Variants in THADA observed in about 807,000 individuals in gnomAD.
THADA encodes the protein THADA armadillo repeat containing.
Under a neutral mutation model 219.8 loss-of-function variants are expected in THADA, and 213 were observed. The ratio of observed to expected loss-of-function variants is 0.97; its 90% CI spans 0.87 to 1.09. THADA has a LOEUF of 1.09. Among genes scored for constraint, THADA ranks in the 50% least tolerant of loss-of-function variants. The probability of loss-of-function intolerance (pLI) is 0.00; values close to 1 mark genes in which losing one functional copy is unlikely to be tolerated. For missense variants in THADA, 2,956 were observed against 2,311.3 expected, an observed-to-expected ratio of 1.28 and a Z score of -5.72; for synonymous variants, 1,018 against 828.9, an observed-to-expected ratio of 1.23 and a Z score of -3.92.
At chr2:43,509,106 G>T (rs1319383876) in intron 22 of THADA, among the ~76,000 whole-genome samples, 1 of 152,104 alleles carries the variant, frequency 6.6e-6, no homozygotes, top group Non-Finnish European at 1.5e-5. Flanking sequence ...TACAACTCAA[G>T]ATTTCCAACA....
chr2:43,345,802 C>T (rs928711978), intron 29 of THADA, among the ~76,000 whole-genome samples: 2 of 152,146 alleles, frequency 1.3e-5, no homozygotes, highest in African/African-American at 4.8e-5. Flanking sequence ...TGCATGACTT[C>T]GGAATTTACT....
intron 28 of THADA, among the ~76,000 whole-genome samples, chr2:43,425,278 G>A (rs1678266507): frequency 6.6e-6 from 1 of 152,090 alleles, no homozygotes; most frequent in South Asian, 2.1e-4. Flanking sequence ...ATACTTGGCA[G>A]AAAGACGGGG....
In THADA at chr2:43,283,813, G is replaced by T. The variant is rs1468758598; in HGVS notation, c.5164+3095C>A. ...GAAAGTGAAGCAGAGCATGGAGCCT[G>T]GCCATGTGGTACAAAAGAAAAACCC... On this transcript the variant is annotated intron_variant, in intron 35 of 37. Coordinates refer to ENST00000405975, the MANE Select transcript of THADA (RefSeq NM_022065.5). Among the ~76,000 whole-genome samples, 2 of 152,226 alleles carry T rather than the reference G, an allele frequency of 1.3e-5. 1 individual carries two copies. Among genetic ancestry groups the T allele is most frequent in the East Asian group, 3.8e-4 (2 of 5,202 alleles).
chr2:43,285,226 G>A (rs1253017558), intron 35 of THADA, among the ~76,000 whole-genome samples: 2 of 152,146 alleles, frequency 1.3e-5, no homozygotes, highest in Non-Finnish European at 2.9e-5. Flanking sequence ...AGGGGCCTGG[G>A]GCAAAATGAT....
intron 30 of THADA, among the ~76,000 whole-genome samples, chr2:43,339,125 G>C (rs779243078): frequency 6.6e-6 from 1 of 152,116 alleles, no homozygotes; most frequent in African/African-American, 2.4e-5. Context: ...ATGGATTGTG[G>C]TAAGAATAGA....
At chr2:43,351,450 GCTTAAACGTCAC>G (rs1461469365) in intron 29 of THADA, among the ~76,000 whole-genome samples, 1 of 152,048 alleles carries the variant, frequency 6.6e-6, no homozygotes, top group Admixed American at 6.5e-5. Context: ...GTAAGGCCCA[GCTTAAACGTCAC>G]CTTCCCCATA....
chr2:43,555,184 A>G (rs930028020), intron 17 of THADA, among the ~76,000 whole-genome samples: 1 of 152,044 alleles, frequency 6.6e-6, no homozygotes, highest in African/African-American at 2.4e-5. Flanking sequence ...GAGAAAATTC[A>G]GTATCATGTA....
In THADA at chr2:43,566,824, TA is replaced by T. The variant is rs34512555; in HGVS notation, c.2188-4del. The stretch of plus-strand genomic sequence containing the variant: ...TTACAAATGGATGACATGAAATTCT[TA>T]AAAAAAAAAAAAAAATTACAGTAAG... On this transcript the variant is annotated splice_region_variant and splice_polypyrimidine_tract_variant and intron_variant, in intron 14 of 37. Transcript: ENST00000405975. The T allele has an allele frequency of 0.04, 45,938 of 1,161,574 alleles. 5 individuals carry two copies. The highest frequency in any genetic ancestry group is 0.043 in the South Asian group (1,979 of 45,938). 72.0% of individuals were successfully genotyped at this position (1,161,574 alleles called of 1,614,324 possible). A position where few individuals can be genotyped will look rare whatever the true frequency, so the allele number is the denominator to read the frequency against.
intron 35 of THADA, among the ~76,000 whole-genome samples, chr2:43,286,099 A>G (rs1324242235): frequency 6.6e-6 from 1 of 152,112 alleles, no homozygotes; most frequent in Non-Finnish European, 1.5e-5. Flanking sequence ...CACCTAGATT[A>G]TTGCAATAGG....
At chr2:43,369,780 A>G (rs1670588829) in intron 29 of THADA, among the ~76,000 whole-genome samples, 1 of 152,250 alleles carries the variant, frequency 6.6e-6, no homozygotes, top group South Asian at 2.1e-4. Flanking sequence ...CCTAACAACC[A>G]GAGATCTGAA....
intron 28 of THADA, among the ~76,000 whole-genome samples, chr2:43,414,812 T>G (rs563430668): frequency 6.6e-6 from 1 of 152,148 alleles, no homozygotes; most frequent in Non-Finnish European, 1.5e-5. Context: ...TTCACTGTGT[T>G]CTGCTGCTTG....
chr2:43,592,915 T>G (rs1403344154), intron 1 of THADA: 4 of 152,270 alleles, frequency 2.6e-5, no homozygotes, highest in Non-Finnish European at 1.5e-5. Context: ...AAAAATATTT[T>G]TTTAATGCTA....
At chr2:43,261,480 G>A (rs1670938386) in intron 36 of THADA, among the ~76,000 whole-genome samples, 1 of 151,102 alleles carries the variant, frequency 6.6e-6, no homozygotes, top group South Asian at 2.1e-4. Flanking sequence ...CTGTCGCCCA[G>A]GCTGGACTGC....
chr2:43,313,153 A>AACATTTCTC (rs1401004405), intron 31 of THADA, among the ~76,000 whole-genome samples: 1 of 152,214 alleles, frequency 6.6e-6, no homozygotes, highest in Non-Finnish European at 1.5e-5. Flanking sequence ...GGCATTGTTG[A>AACATTTCTC]ACATTTCTCA....
At chr2:43,247,564 AC>A (rs1669278970) in intron 36 of THADA, among the ~76,000 whole-genome samples, 1 of 151,918 alleles carries the variant, frequency 6.6e-6, no homozygotes, top group African/African-American at 2.4e-5. Context: ...CCCCGTCTCT[AC>A]TAAAAATATA....
intron 30 of THADA, among the ~76,000 whole-genome samples, chr2:43,338,187 C>T (rs1038289125): frequency 2.0e-4 from 29 of 142,364 alleles, no homozygotes; most frequent in Admixed American, 1.9e-3. Flanking sequence ...GACAGAGTCT[C>T]CCTCTGTTGC....
At chr2:43,547,543 T>A (rs1237118725) in intron 20 of THADA, among the ~76,000 whole-genome samples, 1 of 152,214 alleles carries the variant, frequency 6.6e-6, no homozygotes, top group Non-Finnish European at 1.5e-5. Flanking sequence ...AGTCCCATAT[T>A]TCTTGGAGGC....
At position 43,541,308 on chromosome 2, in the gene THADA, CTTCT is replaced by C; in HGVS notation, c.3111_3114del (p.Glu1038Ter). The C allele has an allele frequency of 1.9e-6, 3 of 1,612,552 alleles. No homozygotes were observed. The highest frequency in any genetic ancestry group is 1.7e-6 in the Non-Finnish European group (2 of 1,179,408). ...TGCGCAGTTACATCACATGTTTTTACTTCTTTACCTTAAACAAAAAAAAACACAA... is the reference window on the plus strand; with the variant it reads ...TGCGCAGTTACATCACATGTTTTTACTTACCTTAAACAAAAAAAAACACAA... On this transcript the variant is annotated frameshift_variant, in exon 21 of 38. Coordinates refer to ENST00000405975, the MANE Select transcript of THADA (RefSeq NM_022065.5). LOFTEE classifies it high-confidence loss of function.
chr2:43,253,192 C>T (rs1250684475), intron 36 of THADA, among the ~76,000 whole-genome samples: 1 of 152,112 alleles, frequency 6.6e-6, no homozygotes, highest in Non-Finnish European at 1.5e-5. Context: ...GAGAAGGAGC[C>T]ACTGGAGGTA....
Sources: gnomAD v4.1 joint callset for allele counts (sites outside exome capture counted in the v4.1 genomes callset) on GRCh38, gnomAD v4.1.1 for gene constraint, MANE v1.5 for transcripts, NCBI Gene and HGNC (gene_info 2026-07-23, HGNC 2026-07-21) for gene names.